Variants in SYNJ1 observed in about 807,000 individuals in gnomAD.
SYNJ1 encodes polyphosphatidylinositol phosphatase SYNJ1.
SYNJ1 carries 78 observed loss-of-function variants against 168.2 expected under a neutral mutation model. The ratio of observed to expected loss-of-function variants is 0.46; its 90% CI spans 0.39 to 0.56. The LOEUF is 0.56. Ranked by LOEUF, SYNJ1 falls within the 20% of genes least tolerant of loss-of-function variation. SYNJ1 has a pLI of 0.00. For missense variants in SYNJ1, 1,303 were observed against 1,597.6 expected (o/e 0.82, Z 3.14); for synonymous variants, 539 against 548.6 (o/e 0.98, Z 0.24).
At chr21:32,708,669 C>T (rs1023397866) in intron 2 of SYNJ1, among the ~76,000 whole-genome samples, 29 of 151,852 alleles carry the variant, frequency 1.9e-4, no homozygotes, top group African/African-American at 6.8e-4. Flanking sequence ...TAAATAGTAC[C>T]TAACTCCCTC....
chr21:32,678,878 T>A, intron 11 of SYNJ1, 77 bp from the exon 12 acceptor site: 1 of 1,551,268 alleles, frequency 6.4e-7, no homozygotes, highest in African/African-American at 1.4e-5. Flanking sequence ...TTTTTTGAAA[T>A]TTTAAATCAG....
intron 17 of SYNJ1, 58 bp from the exon 18 acceptor site, chr21:32,665,129 A>C: frequency 6.6e-7 from 1 of 1,510,662 alleles, no homozygotes. Context: ...AAAATGTTTT[A>C]CAACTATTTC....
chr21:32,662,333 A>T (rs2040744778), intron 18 of SYNJ1, among the ~76,000 whole-genome samples: 2 of 152,210 alleles, frequency 1.3e-5, no homozygotes, highest in Admixed American at 1.3e-4. Flanking sequence ...CAGTGTATAC[A>T]TCAGGTTACT....
rs77176943 is a variant in SYNJ1, at chr21:32,649,009, T to C, written c.3037+1175A>G. ...TCACTCCTCTATAGCATTAATTCCA[T>C]TCTCCCTGAGTCTTTGGATTCTCAA... is the stretch of plus-strand genomic sequence containing the variant. On this transcript the variant is annotated intron_variant, in intron 23 of 32. Coordinates refer to ENST00000674351, the MANE Select transcript of SYNJ1 (RefSeq NM_203446.3). 9.5e-3 allele frequency among the ~76,000 whole-genome samples: 1,446 copies of C among 152,360 alleles called. 25 individuals carry two copies. The highest frequency in any genetic ancestry group is 0.034 in the African/African-American group (1,393 of 41,580).
At chr21:32,660,668 A>C (rs1351935999) in intron 18 of SYNJ1, among the ~76,000 whole-genome samples, 1 of 152,262 alleles carries the variant, frequency 6.6e-6, no homozygotes, top group African/African-American at 2.4e-5. Flanking sequence ...ACTTCAGCCC[A>C]GAAGGCTGAG....
At chr21:32,646,701 T>G (rs903858754) in intron 23 of SYNJ1, 99 bp from the exon 24 acceptor site, 5 of 801,418 alleles carry the variant, frequency 6.2e-6, no homozygotes. Flanking sequence ...ACAAAACAAA[T>G]ATGAACATTA....
intron 9 of SYNJ1, 122 bp from the exon 10 acceptor site, chr21:32,684,241 T>C (rs931866796): frequency 1.3e-6 from 1 of 799,830 alleles, no homozygotes; most frequent in Non-Finnish European, 2.0e-6. Flanking sequence ...ATTATTACAG[T>C]ATTCAAATAT....
chr21:32,721,437 G>A (rs2043216536), intron 2 of SYNJ1, among the ~76,000 whole-genome samples: 1 of 152,210 alleles, frequency 6.6e-6, no homozygotes, highest in African/African-American at 2.4e-5. Flanking sequence ...TCAGCACTTT[G>A]GGAAGCTGAG....
chr21:32,662,450 G>A (rs2040751055), intron 18 of SYNJ1, among the ~76,000 whole-genome samples: 1 of 152,180 alleles, frequency 6.6e-6, no homozygotes, highest in Non-Finnish European at 1.5e-5. Flanking sequence ...TACGAGGTAT[G>A]TAGCCTAGGA....
chr21:32,666,092 T>C lies in SYNJ1; in HGVS notation c.1996A>G (p.Thr666Ala), dbSNP rs746423709. The part of the protein sequence containing the change: ...DTVKTGMGGA[T>A]GNKGAVAIRM... Reference sequence around the variant, plus strand: ...ATTGCAACTGCTCCCTTATTTCCAGTTGCACCTCCCATTCCAGTCTTCACA... The same window carrying C: ...ATTGCAACTGCTCCCTTATTTCCAGCTGCACCTCCCATTCCAGTCTTCACA... Residue 666 changes from threonine to alanine, a missense_variant, in exon 17 of 33, where the codon ACT becomes GCT. By Grantham distance (58) the Thr-to-Ala change is moderately conservative (BLOSUM62 0). Coordinates refer to ENST00000674351, the MANE Select transcript of SYNJ1 (RefSeq NM_203446.3). The C allele has an allele frequency of 1.1e-5, 18 of 1,613,558 alleles. No individual in the cohort carries two copies. The highest frequency in any genetic ancestry group is 1.5e-5 in the Non-Finnish European group (18 of 1,179,740).
intron 1 of SYNJ1, chr21:32,727,719 G>T: frequency 3.1e-6 from 3 of 974,676 alleles, no homozygotes; most frequent in South Asian, 1.8e-5. Context: ...TCCCGCGGGC[G>T]GGCTGACAGC....
At chr21:32,653,187 C>T in intron 22 of SYNJ1, 101 bp downstream of exon 22, 1 of 903,256 alleles carries the variant, frequency 1.1e-6, no homozygotes, top group Non-Finnish European at 1.7e-6. Context: ...AGGTCTTTTC[C>T]CCTCCCATTT....
intron 13 of SYNJ1, 57 bp downstream of exon 13, chr21:32,676,275 T>C: frequency 7.1e-7 from 1 of 1,411,850 alleles, no homozygotes; most frequent in African/African-American, 1.5e-5. Context: ...CAATATCGAC[T>C]TCAGAAAAAA....
chr21:32,703,351 A>C (rs1357695597), intron 2 of SYNJ1, among the ~76,000 whole-genome samples: 1 of 152,204 alleles, frequency 6.6e-6, no homozygotes, highest in Non-Finnish European at 1.5e-5. Context: ...AGTTCCTATT[A>C]TTATTACATC....
chr21:32,656,537 A>C (rs2040462552), intron 21 of SYNJ1, 150 bp downstream of exon 21: 1 of 638,634 alleles, frequency 1.6e-6, no homozygotes. Context: ...ATCTTGCTTT[A>C]GTTTGGAAAT....
chr21:32,727,762 A>AC lies in SYNJ1; in HGVS notation c.-23+183dup. The AC allele has an allele frequency of 1.6e-6, 2 of 1,290,054 alleles. 1 individual carries two copies. The highest frequency in any genetic ancestry group is 2.0e-6 in the Non-Finnish European group (2 of 983,670). 79.9% of individuals were successfully genotyped at this position (1,290,054 alleles called of 1,614,324 possible). A position where few individuals can be genotyped will look rare whatever the true frequency, so the allele number is the denominator to read the frequency against. ...ACCACAGCCCCCAGCCTGACGCGGCACCCCGCACAACCAGTGGTCTGCTCA... is the reference window on the plus strand; with the variant it reads ...ACCACAGCCCCCAGCCTGACGCGGCACCCCCGCACAACCAGTGGTCTGCTCA... On this transcript the variant is annotated intron_variant, in intron 1 of 32. Coordinates refer to ENST00000674351, the MANE Select transcript of SYNJ1 (RefSeq NM_203446.3).
At chr21:32,640,667 T>C (rs2039795029) in intron 29 of SYNJ1, among the ~76,000 whole-genome samples, 1 of 152,000 alleles carries the variant, frequency 6.6e-6, no homozygotes, top group African/African-American at 2.4e-5. Flanking sequence ...GTTCAAGCGA[T>C]CTTTCCAATG....
At chr21:32,632,985 A>G (rs1016926707) in intron 32 of SYNJ1, among the ~76,000 whole-genome samples, 1 of 152,120 alleles carries the variant, frequency 6.6e-6, no homozygotes, top group African/African-American at 2.4e-5. Context: ...GCACCACCGC[A>G]CTCCAGCTTG....
At chr21:32,709,001 C>G (rs907784850) in intron 2 of SYNJ1, among the ~76,000 whole-genome samples, 2 of 152,052 alleles carry the variant, frequency 1.3e-5, no homozygotes, top group African/African-American at 2.4e-5. Context: ...TGAGGGATAA[C>G]CAAAACTTGC....
Sources: gnomAD v4.1 joint callset for allele counts (sites outside exome capture counted in the v4.1 genomes callset) on GRCh38, gnomAD v4.1.1 for gene constraint, MANE v1.5 for transcripts, NCBI Gene and HGNC (gene_info 2026-07-23, HGNC 2026-07-21) for gene names.